The following PNPLA7 variants were observed in gnomAD, a reference collection of about 807,000 sequenced individuals.
The protein encoded by PNPLA7 is patatin-like phospholipase domain-containing protein 7.
PNPLA7 carries 153 observed loss-of-function variants against 161.7 expected under a neutral mutation model. The ratio of observed to expected loss-of-function variants is 0.95; its 90% confidence interval spans 0.83 to 1.08. PNPLA7 has a LOEUF of 1.08. PNPLA7 is among the 50% of genes least tolerant of loss of function. The pLI is 0.00. For missense variants in PNPLA7, 1,739 were observed against 1,856.6 expected (o/e 0.94, Z 1.16); for synonymous variants, 809 against 782.1 (o/e 1.03, Z -0.57).
intron 8 of PNPLA7, among the ~76,000 whole-genome samples, chr9:137,539,343 AAAAC>A (rs542426766): frequency 9.9e-5 from 15 of 152,220 alleles, no homozygotes; most frequent in African/African-American, 1.9e-4. Flanking sequence ...ACTCCATCTC[AAAAC>A]AAACAAACAA....
At chr9:137,474,562 C>T (rs894538730) in intron 25 of PNPLA7, among the ~76,000 whole-genome samples, 3 of 152,124 alleles carry the variant, frequency 2.0e-5, no homozygotes, top group Non-Finnish European at 2.9e-5. Context: ...GAAACGCACG[C>T]GGACCTCAGA....
At chr9:137,465,028 G>A (rs1831399014) in intron 26 of PNPLA7, among the ~76,000 whole-genome samples, 2 of 152,186 alleles carry the variant, frequency 1.3e-5, no homozygotes, top group Admixed American at 1.3e-4. Context: ...CAGGACTCGA[G>A]ACTGACCTCA....
chr9:137,492,530 A>C (rs576114622), intron 20 of PNPLA7, among the ~76,000 whole-genome samples: 1 of 2,880 alleles, frequency 3.5e-4, no homozygotes. Flanking sequence ...GCTCCAGCAC[A>C]GGGCGGGGCC....
chr9:137,544,498 G>A (rs985483504), intron 4 of PNPLA7, among the ~76,000 whole-genome samples: 8 of 152,124 alleles, frequency 5.3e-5, no homozygotes, highest in African/African-American at 1.7e-4. Flanking sequence ...GCCCTGTCCC[G>A]GCCGCCTAAG....
Position 137,543,585 on chromosome 9 carries a change from G to GAC in PNPLA7, c.366-15_366-14dup. On this transcript the variant is annotated splice_polypyrimidine_tract_variant and intron_variant, in intron 5 of 34. Transcript: ENST00000406427. The surrounding 1 kb of genome is among the most constrained non-coding windows in gnomAD (Gnocchi z 6.9). ...GAAACGCAGAATCCTACAAGGCAGA[G>GAC]ACACACTAGCCTTGAGCAGACCAGG... 1 of 1,609,632 alleles carries GAC rather than the reference G, an allele frequency of 6.2e-7. No homozygotes were observed. The highest frequency in any genetic ancestry group is 1.3e-5 in the African/African-American group (1 of 74,972).
intron 8 of PNPLA7, among the ~76,000 whole-genome samples, chr9:137,525,012 A>G (rs748364275): frequency 6.6e-6 from 1 of 152,202 alleles, no homozygotes; most frequent in Non-Finnish European, 1.5e-5. Context: ...TCACAGTGCA[A>G]TTCACTTGGG....
chr9:137,541,979 A>G lies in PNPLA7; in HGVS notation c.666+663T>C, dbSNP rs923235614. 9.9e-5 allele frequency among the ~76,000 whole-genome samples: 15 copies of G among 152,156 alleles called. No homozygotes were observed. Among genetic ancestry groups the G allele is most frequent in the African/African-American group, 2.9e-4 (12 of 41,440 alleles). ...TTATTTTTTGTAGAGACGGGGTCTC[A>G]CTACTTCGTCCAAGCTGGTCTCTAA... On this transcript the variant is annotated intron_variant, in intron 7 of 34. Transcript: ENST00000406427. This position sits in a 1 kb window ranked among gnomAD's most constrained non-coding sequence, Gnocchi z 4.4.
rs759301441 is a variant in PNPLA7 at position 137,498,189 on chromosome 9, C to T, written c.1814G>A (p.Arg605Lys). The change falls in exon 17 of 35, where the codon AGG becomes AAG. Residue 605 changes from arginine (R) to lysine (K), a missense_variant. This residue lies in a region of PNPLA7 where 481 missense variants were observed against 450.0 expected (regional missense o/e 1.07). Coordinates refer to ENST00000406427, the MANE Select transcript of PNPLA7 (RefSeq NM_001098537.3). ...GATTTGCCGCACGAAGGACGACATC[C>T]TCTTCACCACAGTGTGCGCCACACC... ...VLGVAHTVVKRMSSFVRQIDF... is the reference protein window; with the variant it reads ...VLGVAHTVVKKMSSFVRQIDF... 1.9e-6 allele frequency: 3 copies of T among 1,612,876 alleles called. No homozygotes were observed. Among genetic ancestry groups the T allele is most frequent in the East Asian group, 4.5e-5 (2 of 44,888 alleles).
In PNPLA7 at chr9:137,500,299, A is replaced by T. The variant is rs925551485; in HGVS notation, c.1757+392T>A. On this transcript the variant is annotated intron_variant, in intron 16 of 34. Transcript: ENST00000406427. This position sits in a 1 kb window ranked among gnomAD's most constrained non-coding sequence, Gnocchi z 5.5. The stretch of plus-strand genomic sequence containing the variant: ...TCACTGGCTCCCGACACGTCAGCCC[A>T]GGCTGCAGAGGTGGGACGGCTCACG... Among the ~76,000 whole-genome samples, 1 of 152,170 alleles carries T rather than the reference A, an allele frequency of 6.6e-6. No individual in the cohort carries two copies. Among genetic ancestry groups the T allele is most frequent in the African/African-American group, 2.4e-5 (1 of 41,410 alleles).
At position 137,516,182 on chromosome 9, in the gene PNPLA7, C is replaced by T. The variant is rs1834559290; in HGVS notation, c.1085-663G>A. On this transcript the variant is annotated intron_variant, in intron 11 of 34. Transcript: ENST00000406427. ...TGATTGTCCTGCTGTGGGCCAAGTG[C>T]CTTGAAGGCAAACTCCATCCAGGTG... is the stretch of plus-strand genomic sequence containing the variant. Among the ~76,000 whole-genome samples, 12 of 132,966 alleles carry T rather than the reference C, an allele frequency of 9.0e-5. 1 individual carries two copies. The Admixed American group carries it at 9.6e-4, about 11-fold the overall frequency. 87.2% of individuals were successfully genotyped at this position (132,966 alleles called of 152,430 possible). A position where few individuals can be genotyped will look rare whatever the true frequency, so the allele number is the denominator to read the frequency against.
At chr9:137,485,459 T>C (rs546950195) in intron 20 of PNPLA7, among the ~76,000 whole-genome samples, 52 of 147,622 alleles carry the variant, frequency 3.5e-4, no homozygotes, top group African/African-American at 1.3e-3. Context: ...GAGGCCTCAT[T>C]GGAGTAAACC....
At chr9:137,512,550 T>C (rs1001122899) in intron 12 of PNPLA7, among the ~76,000 whole-genome samples, 1 of 152,254 alleles carries the variant, frequency 6.6e-6, no homozygotes, top group Non-Finnish European at 1.5e-5. Context: ...TTTCTTTACC[T>C]GGTTCACAAG....
At chr9:137,484,776 A>G in intron 20 of PNPLA7, 40 bp from the exon 21 acceptor site, 1 of 1,548,546 alleles carries the variant, frequency 6.5e-7, no homozygotes, top group Non-Finnish European at 8.8e-7. Context: ...GACAGCCCAC[A>G]CGCTCACAGA....
Position 137,547,679 on chromosome 9 carries a change from G to A in PNPLA7, c.31-20C>T. ...GTCAGCCTGCAGCAGAGAGCATGGGGTCAGGTGGGCATGGACAGGCTTCCC... is the reference window on the plus strand; with the variant it reads ...GTCAGCCTGCAGCAGAGAGCATGGGATCAGGTGGGCATGGACAGGCTTCCC... On this transcript the variant is annotated intron_variant, in intron 1 of 34. Transcript: ENST00000406427. This position sits in a 1 kb window ranked among gnomAD's most constrained non-coding sequence, Gnocchi z 4.6. 1.2e-6 allele frequency: 2 copies of A among 1,612,092 alleles called. No individual in the cohort carries two copies. The highest frequency in any genetic ancestry group is 2.2e-5 in the South Asian group (2 of 91,060).
chr9:137,500,692 C>G lies in PNPLA7; in HGVS notation c.1756G>C (p.Glu586Gln), dbSNP rs1312726649. ...GAGGTCCTGGCCCGTGGGACTCACT[C>G]ATAGAAGTGGGCCTTGGAGATGGAC... ...FLSISKAHFY[E>Q]IMRKQPTVVL... The change falls in exon 16 of 35, where the codon GAA becomes CAA. Residue 586 changes from glutamate (E) to glutamine (Q), a missense_variant and splice_region_variant. Glu to Gln is a conservative substitution (Grantham distance 29, BLOSUM62 2). Transcript: ENST00000406427. This position sits in a 1 kb window ranked among gnomAD's most constrained non-coding sequence, Gnocchi z 5.5. The G allele has an allele frequency of 1.2e-6, 2 of 1,612,008 alleles. No individual in the cohort carries two copies. The highest frequency in any genetic ancestry group is 1.3e-5 in the African/African-American group (1 of 74,888).
At chr9:137,465,137 G>A (rs1436348212) in intron 26 of PNPLA7, among the ~76,000 whole-genome samples, 1 of 152,208 alleles carries the variant, frequency 6.6e-6, no homozygotes, top group Non-Finnish European at 1.5e-5. Flanking sequence ...AGCGCTTGGA[G>A]TGTGGGCTGG....
chr9:137,483,293 G>A lies in PNPLA7; in HGVS notation c.2347+1294C>T, dbSNP rs530023033. Among the ~76,000 whole-genome samples the A allele has an allele frequency of 7.7e-4, 117 of 152,320 alleles. No homozygotes were observed. In the South Asian group the frequency reaches 0.024, roughly 31 times the overall value. On this transcript the variant is annotated intron_variant, in intron 21 of 34. Transcript: ENST00000406427. ...GCGGGACAGCTCCACCGTACAACTC[G>A]AAGATGTTTTTGGACATACCTGGAA... is the stretch of plus-strand genomic sequence containing the variant.
Position 137,500,291 on chromosome 9 carries a change from G to A in PNPLA7, c.1757+400C>T, listed in dbSNP as rs978254555. Among the ~76,000 whole-genome samples the A allele has an allele frequency of 6.6e-6, 1 of 152,208 alleles. No homozygotes were observed. Among genetic ancestry groups the A allele is most frequent in the African/African-American group, 2.4e-5 (1 of 41,440 alleles). On this transcript the variant is annotated intron_variant, in intron 16 of 34. Transcript: ENST00000406427. This position sits in a 1 kb window ranked among gnomAD's most constrained non-coding sequence, Gnocchi z 5.5. ...CCTCCGCATCACTGGCTCCCGACAC[G>A]TCAGCCCAGGCTGCAGAGGTGGGAC...
At chr9:137,485,616 C>T (rs776476658) in intron 20 of PNPLA7, among the ~76,000 whole-genome samples, 63 of 152,252 alleles carry the variant, frequency 4.1e-4, no homozygotes, top group African/African-American at 7.2e-4. Flanking sequence ...TCAATAGGCC[C>T]GTTTCTCTTG....
Sources: gnomAD v4.1 joint callset for allele counts (sites outside exome capture counted in the v4.1 genomes callset) on GRCh38, gnomAD v4.1.1 for gene constraint, gnomAD v4.1.1 regional missense constraint, Gnocchi (gnomAD v3.1) non-coding constraint, MANE v1.5 for transcripts, NCBI Gene and HGNC (gene_info 2026-07-23, HGNC 2026-07-21) for gene names.